The following CAPN15 variants were observed in gnomAD, a reference collection of about 807,000 sequenced individuals.
CAPN15 encodes calpain-15.
CAPN15 carries 53 observed loss-of-function variants against 97.9 expected under a neutral mutation model. The observed-to-expected ratio is 0.54, with a 90% confidence interval of 0.43 to 0.68. The LOEUF (loss-of-function observed/expected upper bound fraction) is 0.68. Among genes scored for constraint, CAPN15 ranks in the 30% least tolerant of loss-of-function variants. The pLI is 0.00. For synonymous variants in CAPN15, 922 were observed against 722.5 expected, an observed-to-expected ratio of 1.28 and a Z score of -4.43; for missense variants, 1,592 against 1,589.8, an observed-to-expected ratio of 1.00 and a Z score of -0.02.
In CAPN15 at chr16:551,632, T is replaced by C. The variant is rs3213574; in HGVS notation, c.2313T>C (p.Gly771=). The change falls in exon 9 of 14, where the codon GGT becomes GGC. Residue 771 remains glycine, a synonymous_variant. Transcript: ENST00000219611. Reference sequence around the variant, plus strand: ...TCATGCCGCACGGCAGCAGTGAGGGTGTCTTCTGGATGGAGTACGGCGACT... The same window carrying C: ...TCATGCCGCACGGCAGCAGTGAGGGCGTCTTCTGGATGGAGTACGGCGACT... ...GELMPHGSSE[G]VFWMEYGDFV... 914,309 of 1,601,684 alleles carry C rather than the reference T, an allele frequency of 0.57. 268,184 individuals are homozygous for C. The highest frequency in any genetic ancestry group is 0.8 in the African/African-American group (59,578 of 74,918).
Position 528,660 on chromosome 16 carries a change from C to T in CAPN15, c.-190+631C>T, listed in dbSNP as rs2033026896. ...GGGGAACTCTTGTGTGGTCAGCTGG[C>T]CCTGGCCGGGCGAGCTCTCGGGGCC... On this transcript the variant is annotated intron_variant, in intron 1 of 13. Transcript: ENST00000219611. The T allele has an allele frequency of 7.5e-6, 7 of 928,260 alleles. No individual in the cohort carries two copies. In the Admixed American group the frequency reaches 3.1e-4, roughly 41 times the overall value. 57.5% of individuals were successfully genotyped at this position (928,260 alleles called of 1,614,324 possible). A position where few individuals can be genotyped will look rare whatever the true frequency, so the allele number is the denominator to read the frequency against.
intron 1 of CAPN15, among the ~76,000 whole-genome samples, chr16:530,537 T>TC (rs1196411194): frequency 6.6e-6 from 1 of 152,216 alleles, no homozygotes; most frequent in Non-Finnish European, 1.5e-5. Context: ...CATGTGTGTC[T>TC]CGCTGCAGGG....
rs1482000258 is a variant in CAPN15, at chr16:552,614, C to T, written c.2747C>T (p.Pro916Leu). ...PGTPAPQASSPSAGVPRASPE... is the reference protein window; with the variant it reads ...PGTPAPQASSLSAGVPRASPE... ...ACGCCCGTCCTTGTAGCCTCCAGCC[C>T]CTCGGCAGGGGTCCCGAGAGCCTCC... Residue 916 changes from proline (P) to leucine (L), a missense_variant, in exon 12 of 14, where the codon CCC becomes CTC. This residue lies in a region of CAPN15 where 644 missense variants were observed against 699.6 expected (regional missense o/e 0.92). Coordinates refer to ENST00000219611, the MANE Select transcript of CAPN15 (RefSeq NM_005632.3). The surrounding 1 kb of genome is among the most constrained non-coding windows in gnomAD (Gnocchi z 6.4). 2.0e-6 allele frequency: 3 copies of T among 1,538,162 alleles called. No homozygotes were observed. The highest frequency in any genetic ancestry group is 1.4e-5 in the African/African-American group (1 of 73,006).
At position 547,252 on chromosome 16, in the gene CAPN15, G is replaced by GGAT. The variant is rs1567149762; in HGVS notation, c.415_416insATG (p.Glu138_Gly139insAsp). ...AGAAGGAGGAGCAGGAGGAGGAGGA[G>GGAT]GGAGCGGCGGAGCCCAGAGGGGGCT... On this transcript the variant is annotated inframe_insertion, in exon 4 of 14. Coordinates refer to ENST00000219611, the MANE Select transcript of CAPN15 (RefSeq NM_005632.3). 2.6e-6 allele frequency: 4 copies of GGAT among 1,510,678 alleles called. No individual in the cohort carries two copies. The South Asian group carries it at 5.1e-5, about 19-fold the overall frequency. 93.6% of individuals were successfully genotyped at this position (1,510,678 alleles called of 1,614,324 possible). A position where few individuals can be genotyped will look rare whatever the true frequency, so the allele number is the denominator to read the frequency against.
rs1239978070 is a variant in CAPN15, at chr16:549,451, G to A, written c.1822G>A (p.Gly608Ser). Residue 608 changes from glycine (G) to serine (S), a missense_variant, in exon 6 of 14, where the codon GGC becomes AGC. Coordinates refer to ENST00000219611, the MANE Select transcript of CAPN15 (RefSeq NM_005632.3). ...VDDMLPCDEAGCLLFSQAQRK... is the reference protein window; with the variant it reads ...VDDMLPCDEASCLLFSQAQRK... ...CGACATGCTGCCCTGTGATGAGGCC[G>A]GCTGCCTCCTCTTCTCACAGGTGGG... The A allele has an allele frequency of 5.0e-6, 8 of 1,595,738 alleles. No homozygotes were observed. Among genetic ancestry groups the A allele is most frequent in the Admixed American group, 1.7e-5 (1 of 59,412 alleles).
chr16:541,854 ACG>A (rs1481124104), intron 3 of CAPN15, among the ~76,000 whole-genome samples: 7 of 150,128 alleles, frequency 4.7e-5, no homozygotes, highest in African/African-American at 1.7e-4. Context: ...GGGCCACAGG[ACG>A]TGGCTGGCTG....
chr16:552,127 T>C lies in CAPN15; in HGVS notation c.2422T>C (p.Ser808Pro). ...EARVQGCFPSSASAPVGVTAL... is the reference protein window; with the variant it reads ...EARVQGCFPSPASAPVGVTAL... The stretch of plus-strand genomic sequence containing the variant: ...GCGGGTGCAGGGCTGCTTTCCCAGC[T>C]CGGCCAGCGCGCCCGTGGGGGTAAC... Residue 808 changes from serine to proline, a missense_variant, in exon 10 of 14, where the codon TCG becomes CCG. This residue lies in a region of CAPN15 where 644 missense variants were observed against 699.6 expected (regional missense o/e 0.92). Transcript: ENST00000219611. The surrounding 1 kb of genome is among the most constrained non-coding windows in gnomAD (Gnocchi z 6.4). 6.5e-7 allele frequency: 1 copy of C among 1,548,356 alleles called. No homozygotes were observed. The highest frequency in any genetic ancestry group is 8.7e-7 in the Non-Finnish European group (1 of 1,146,514).
intron 13 of CAPN15, 107 bp from the exon 14 acceptor site, chr16:553,232 C>T (rs1322019779): frequency 7.2e-5 from 44 of 613,728 alleles, no homozygotes; most frequent in Middle Eastern, 3.7e-4. Context: ...CACCCCTGTA[C>T]GGGTGTTTGT....
At chr16:551,050 TG>T (rs2035015263) in intron 7 of CAPN15, among the ~76,000 whole-genome samples, 1 of 102,328 alleles carries the variant, frequency 9.8e-6, no homozygotes, top group Admixed American at 1.1e-4. Context: ...CCCCGGTCGG[TG>T]AGGGTCCCCG....
rs74003960 is a variant in CAPN15, at chr16:535,885, G to A, written c.-136-144G>A. Reference sequence around the variant, plus strand: ...GGCGGCAGGCCCTACAGGAGCAGCAGCGGCCCAGGGCATGTCCCTGGGGTC... The same window carrying A: ...GGCGGCAGGCCCTACAGGAGCAGCAACGGCCCAGGGCATGTCCCTGGGGTC... On this transcript the variant is annotated intron_variant, in intron 2 of 13. Coordinates refer to ENST00000219611, the MANE Select transcript of CAPN15 (RefSeq NM_005632.3). The surrounding 1 kb of genome is among the most constrained non-coding windows in gnomAD (Gnocchi z 6.2). 0.018 allele frequency: 2,847 copies of A among 157,236 alleles called. 85 individuals carry two copies. Among genetic ancestry groups the A allele is most frequent in the African/African-American group, 0.064 (2,684 of 41,614 alleles). The allele number at this position is 157,236 out of a possible 1,614,324, so 9.7% of individuals were successfully genotyped here. A position where few individuals can be genotyped will look rare whatever the true frequency, so the allele number is the denominator to read the frequency against.
intron 7 of CAPN15, among the ~76,000 whole-genome samples, chr16:550,700 G>T (rs1231514285): frequency 1.9e-4 from 21 of 108,530 alleles, no homozygotes; most frequent in Admixed American, 3.9e-4. Flanking sequence ...TGAGGGTCCC[G>T]GTCGGTGAGG....
rs1384518805 is a variant in CAPN15, at chr16:535,778, C to T, written c.-136-251C>T. 1.3e-5 allele frequency among the ~76,000 whole-genome samples: 2 copies of T among 152,128 alleles called. No individual in the cohort carries two copies. Among genetic ancestry groups the T allele is most frequent in the African/African-American group, 2.4e-5 (1 of 41,420 alleles). ...GTCACGGCTCCTGCTGGTTCCCATT[C>T]GCGAGCACCTGAAACAGCCTGGCCC... On this transcript the variant is annotated intron_variant, in intron 2 of 13. Coordinates refer to ENST00000219611, the MANE Select transcript of CAPN15 (RefSeq NM_005632.3). This position sits in a 1 kb window ranked among gnomAD's most constrained non-coding sequence, Gnocchi z 6.2.
intron 3 of CAPN15, among the ~76,000 whole-genome samples, chr16:542,908 G>A (rs528354046): frequency 1.4e-4 from 21 of 152,274 alleles, no homozygotes; most frequent in South Asian, 2.1e-4. Context: ...AAAATTAGCT[G>A]GGCGTGGTGA....
intron 3 of CAPN15, among the ~76,000 whole-genome samples, chr16:544,047 A>G (rs925971567): frequency 3.3e-5 from 5 of 152,158 alleles, no homozygotes; most frequent in Non-Finnish European, 7.4e-5. Flanking sequence ...TGGCGCCCTC[A>G]ATCAGTAAGT....
chr16:542,055 G>A (rs1209810026), intron 3 of CAPN15, among the ~76,000 whole-genome samples: 2 of 150,710 alleles, frequency 1.3e-5, no homozygotes, highest in South Asian at 2.1e-4. Flanking sequence ...CAGAAGGTGC[G>A]TGGACGTGGG....
At chr16:542,168 C>A (rs1025467238) in intron 3 of CAPN15, among the ~76,000 whole-genome samples, 1 of 152,264 alleles carries the variant, frequency 6.6e-6, no homozygotes, top group East Asian at 1.9e-4. Context: ...TGCTCCTTTG[C>A]GGGATGAACC....
At chr16:551,884 T>C in intron 9 of CAPN15, 167 bp from the exon 10 acceptor site, 1 of 979,720 alleles carries the variant, frequency 1.0e-6, no homozygotes, top group Non-Finnish European at 1.6e-6. Context: ...CTGGAGGGCT[T>C]CCTATTATAG....
At chr16:532,854 G>GA (rs1307303121) in intron 1 of CAPN15, among the ~76,000 whole-genome samples, 337 of 104,924 alleles carry the variant, frequency 3.2e-3, no homozygotes, top group East Asian at 0.019. Context: ...CTCTGTCAGA[G>GA]AAAAAAAAAA....
At chr16:534,099 T>A in intron 2 of CAPN15, 101 bp downstream of exon 2, 1 of 358,752 alleles carries the variant, frequency 2.8e-6, no homozygotes, top group Non-Finnish European at 3.2e-6. Context: ...CTGGGGGGCC[T>A]CTCGGAGCCC....
Sources: allele counts gnomAD v4.1 joint callset (sites outside exome capture counted in the v4.1 genomes callset), GRCh38; gene constraint gnomAD v4.1.1; regional missense constraint gnomAD v4.1.1; non-coding constraint Gnocchi (gnomAD v3.1); transcripts MANE v1.5; gene names NCBI Gene and HGNC (gene_info 2026-07-23, HGNC 2026-07-21).